The following C3orf20 variants were observed in gnomAD, a reference collection of about 807,000 sequenced individuals.
C3orf20 encodes family with sequence similarity 149 member C.
A neutral mutation model predicts 88.3 loss-of-function variants in C3orf20; 76 were observed. The observed-to-expected ratio is 0.86, with a 90% CI of 0.72 to 1.04. C3orf20 has a LOEUF of 1.04. Ranked by LOEUF, C3orf20 falls within the 50% of genes least tolerant of loss-of-function variation. The probability of loss-of-function intolerance (pLI) is 0.00; values close to 1 mark genes in which losing one functional copy is unlikely to be tolerated. For synonymous variants in C3orf20, 436 were observed against 437.4 expected, an observed-to-expected ratio of 1.00 and a Z score of 0.04; for missense variants, 1,056 against 1,123.3, an observed-to-expected ratio of 0.94 and a Z score of 0.86.
At chr3:14,738,088 G>A (rs961952871) in intron 12 of C3orf20, among the ~76,000 whole-genome samples, 2 of 151,546 alleles carry the variant, frequency 1.3e-5, no homozygotes, top group African/African-American at 2.4e-5. Flanking sequence ...AGAGTCATTC[G>A]TGAAGGTTGG....
chr3:14,768,276 A>G lies in C3orf20; in HGVS notation c.2496-3791A>G, dbSNP rs1009375142. 6.6e-6 allele frequency among the ~76,000 whole-genome samples: 1 copy of G among 151,952 alleles called. No individual in the cohort carries two copies. Among genetic ancestry groups the G allele is most frequent in the Non-Finnish European group, 1.5e-5 (1 of 68,010 alleles). ...TGCATACACCAAGACCCCTCCAAGG[A>G]TGGAGCTGTGGAGAGCAGGCCCCGT... On this transcript the variant is annotated intron_variant, in intron 15 of 16. Transcript: ENST00000253697. The surrounding 1 kb of genome is among the most constrained non-coding windows in gnomAD (Gnocchi z 4.1).
At chr3:14,686,192 T>TTGTGTGTGTGTG (rs2032420503) in intron 4 of C3orf20, among the ~76,000 whole-genome samples, 1 of 32,670 alleles carries the variant, frequency 3.1e-5, no homozygotes, top group Non-Finnish European at 6.8e-5. Context: ...TGAATCATAT[T>TTGTGTGTGTGTG]CGTGTGTGTG....
intron 9 of C3orf20, 124 bp from the exon 10 acceptor site, chr3:14,721,529 T>C (rs2034159015): frequency 1.5e-6 from 2 of 1,355,928 alleles, no homozygotes; most frequent in Non-Finnish European, 2.0e-6. Flanking sequence ...ACATAAGAAC[T>C]GGAAAGCTCT....
intron 9 of C3orf20, among the ~76,000 whole-genome samples, chr3:14,717,473 T>G (rs1189293616): frequency 1.3e-5 from 2 of 152,090 alleles, no homozygotes. Flanking sequence ...CTGCAAAGGT[T>G]GAAGCTGGGA....
intron 15 of C3orf20, among the ~76,000 whole-genome samples, chr3:14,770,396 G>A (rs1410878905): frequency 6.6e-6 from 1 of 152,186 alleles, no homozygotes; most frequent in Non-Finnish European, 1.5e-5. Flanking sequence ...TGACGGAGTA[G>A]GCTGTGTCTC....
chr3:14,761,858 G>A (rs2035574229), intron 15 of C3orf20, among the ~76,000 whole-genome samples: 1 of 152,134 alleles, frequency 6.6e-6, no homozygotes, highest in Admixed American at 6.5e-5. Context: ...GGGGGTGTGT[G>A]AGCAAAGCCA....
Position 14,738,263 on chromosome 3 carries a change from G to C in C3orf20, c.1940+9575G>C, listed in dbSNP as rs369679019. 6.0e-4 allele frequency among the ~76,000 whole-genome samples: 91 copies of C among 150,514 alleles called. No homozygotes were observed. In the South Asian group the frequency reaches 0.019, roughly 31 times the overall value. On this transcript the variant is annotated intron_variant, in intron 12 of 16. Coordinates refer to ENST00000253697, the MANE Select transcript of C3orf20 (RefSeq NM_032137.5). ...GCTCACTGCAACCTCTGCCCCCCGG[G>C]TTCAAGCAATTCTCCTGCCTCAACC... is the stretch of plus-strand genomic sequence containing the variant.
chr3:14,731,304 T>C (rs1239053906), intron 12 of C3orf20, among the ~76,000 whole-genome samples: 1 of 152,244 alleles, frequency 6.6e-6, no homozygotes, highest in Non-Finnish European at 1.5e-5. Flanking sequence ...TCCATATTGT[T>C]ACATGGATCA....
chr3:14,736,541 T>G (rs1320577521), intron 12 of C3orf20, among the ~76,000 whole-genome samples: 1 of 152,068 alleles, frequency 6.6e-6, no homozygotes, highest in Non-Finnish European at 1.5e-5. Context: ...TCCACTTGCC[T>G]TGGCCTCCCA....
intron 15 of C3orf20, among the ~76,000 whole-genome samples, chr3:14,766,548 A>G (rs1160639811): frequency 6.6e-6 from 1 of 152,194 alleles, no homozygotes; most frequent in African/African-American, 2.4e-5. Flanking sequence ...TGCCTCCGTC[A>G]TCACCCTCAG....
At chr3:14,688,277 C>A (rs151219878) in intron 4 of C3orf20, among the ~76,000 whole-genome samples, 3,242 of 152,106 alleles carry the variant, frequency 0.021, 45 homozygotes, top group Middle Eastern at 0.037. Flanking sequence ...TGACTGTAAT[C>A]CCAGCACTTT....
intron 13 of C3orf20, among the ~76,000 whole-genome samples, chr3:14,758,087 C>T (rs114924104): frequency 1.5e-3 from 232 of 152,248 alleles, no homozygotes; most frequent in African/African-American, 5.2e-3. Flanking sequence ...GGGCATGGAC[C>T]GGGCCCTGGG....
chr3:14,689,950 T>C, intron 4 of C3orf20, 47 bp from the exon 5 acceptor site: 1 of 1,612,932 alleles, frequency 6.2e-7, no homozygotes, highest in South Asian at 1.1e-5. Context: ...GCTAATAAAA[T>C]TAAAAGTAAA....
At chr3:14,722,053 G>T in intron 10 of C3orf20, 1 of 386,658 alleles carries the variant, frequency 2.6e-6, no homozygotes, top group South Asian at 3.6e-5. Flanking sequence ...TCAATAAACT[G>T]AGAAGTCTGT....
At chr3:14,745,173 G>A (rs1188584160) in intron 12 of C3orf20, among the ~76,000 whole-genome samples, 1 of 152,192 alleles carries the variant, frequency 6.6e-6, no homozygotes, top group Non-Finnish European at 1.5e-5. Context: ...TTGATGTGCA[G>A]GACAAATTAC....
intron 10 of C3orf20, among the ~76,000 whole-genome samples, chr3:14,723,971 C>A (rs949768335): frequency 2.6e-5 from 4 of 151,998 alleles, no homozygotes; most frequent in Non-Finnish European, 4.4e-5. Flanking sequence ...AGGTGCCTAC[C>A]ACCACACCAG....
At chr3:14,744,123 G>A (rs1446640281) in intron 12 of C3orf20, among the ~76,000 whole-genome samples, 1 of 151,886 alleles carries the variant, frequency 6.6e-6, no homozygotes, top group Admixed American at 6.6e-5. Context: ...CAAACTTTAT[G>A]CTCTGCTTCC....
intron 12 of C3orf20, among the ~76,000 whole-genome samples, chr3:14,732,984 C>T (rs1575136692): frequency 6.6e-6 from 1 of 152,152 alleles, no homozygotes; most frequent in Non-Finnish European, 1.5e-5. Context: ...ATTATCTTTG[C>T]ACCTTTGGGT....
At chr3:14,742,689 C>T (rs890904936) in intron 12 of C3orf20, among the ~76,000 whole-genome samples, 1 of 152,098 alleles carries the variant, frequency 6.6e-6, no homozygotes, top group Non-Finnish European at 1.5e-5. Context: ...TAAAGACATA[C>T]CCGAAACTGG....
Sources: allele counts gnomAD v4.1 joint callset (sites outside exome capture counted in the v4.1 genomes callset), GRCh38; gene constraint gnomAD v4.1.1; non-coding constraint Gnocchi (gnomAD v3.1); transcripts MANE v1.5; gene names NCBI Gene and HGNC (gene_info 2026-07-23, HGNC 2026-07-21).